NAALADL2: variants seen among roughly 807,000 people sequenced by gnomAD.
The protein encoded by NAALADL2 is N-acetylated alpha-linked acidic dipeptidase like 2.
In NAALADL2, 76 loss-of-function variants were observed where a neutral mutation model predicts 87.2. The ratio of observed to expected loss-of-function variants is 0.87; its 90% CI spans 0.72 to 1.05. NAALADL2 has a LOEUF of 1.05. Ranked by LOEUF, NAALADL2 falls within the 50% of genes least tolerant of loss-of-function variation. NAALADL2 has a pLI of 0.00. For missense variants in NAALADL2, 1,089 were observed against 945.8 expected (o/e 1.15, Z -1.99); for synonymous variants, 354 against 331.0 (o/e 1.07, Z -0.75).
chr3:174,536,629 G>GCTGGAC (rs1439099015), intron 1 of NAALADL2: 1 of 152,126 alleles, frequency 6.6e-6, no homozygotes, highest in East Asian at 1.9e-4. Flanking sequence ...AGATCTCCCA[G>GCTGGAC]CTGGACGTTC....
chr3:175,639,413 C>T (rs374247389), intron 11 of NAALADL2, among the ~76,000 whole-genome samples: 7 of 150,664 alleles, frequency 4.6e-5, no homozygotes, highest in African/African-American at 1.7e-4. Context: ...CTCCACCTCC[C>T]GGGTTCACAC....
At chr3:175,370,574 T>A (rs973284363) in intron 5 of NAALADL2, among the ~76,000 whole-genome samples, 7 of 152,110 alleles carry the variant, frequency 4.6e-5, no homozygotes, top group Non-Finnish European at 1.5e-5. Flanking sequence ...CTGATGGCCG[T>A]AAGAGTCACT....
chr3:175,028,501 G>A (rs1473120453), intron 1 of NAALADL2, among the ~76,000 whole-genome samples: 1 of 151,994 alleles, frequency 6.6e-6, no homozygotes, highest in Non-Finnish European at 1.5e-5. Flanking sequence ...ATTTTATGAT[G>A]TGTATTAATT....
intron 3 of NAALADL2, among the ~76,000 whole-genome samples, chr3:174,748,039 T>C: frequency 6.6e-6 from 1 of 152,074 alleles, no homozygotes; most frequent in East Asian, 1.9e-4. Flanking sequence ...GAAGCCATTA[T>C]CCTCAGCAAA....
intron 1 of NAALADL2, among the ~76,000 whole-genome samples, chr3:174,543,801 C>T (rs374331902): frequency 6.6e-6 from 1 of 151,854 alleles, no homozygotes; most frequent in Non-Finnish European, 1.5e-5. Flanking sequence ...TGAGGCCAGG[C>T]GTTTGAGACC....
intron 1 of NAALADL2, among the ~76,000 whole-genome samples, chr3:174,527,713 A>G (rs1029711258): frequency 7.2e-5 from 11 of 152,174 alleles, no homozygotes; most frequent in African/African-American, 2.4e-4. Flanking sequence ...AGAAATTTAC[A>G]TGGATAATAT....
chr3:174,903,936 C>T (rs73047018), intron 1 of NAALADL2, among the ~76,000 whole-genome samples: 15,327 of 150,052 alleles, frequency 0.1, 896 homozygotes, highest in African/African-American at 0.14. Context: ...GGATATTCTT[C>T]GCAGGGCCAG....
chr3:174,750,644 G>T lies in NAALADL2; in HGVS notation c.-9+12898G>T, dbSNP rs752176076. On this transcript the variant is annotated intron_variant, in intron 3 of 3. Coordinates refer to the NAALADL2 transcript ENST00000434257. ...AGACAGGGTTTCACCATGTTGGCCAGGCTAGTCTCGAACTCCTGACCTCTG... is the reference window on the plus strand; with the variant it reads ...AGACAGGGTTTCACCATGTTGGCCATGCTAGTCTCGAACTCCTGACCTCTG... Among the ~76,000 whole-genome samples the T allele has an allele frequency of 1.9e-4, 29 of 152,012 alleles. 1 individual carries two copies. Among genetic ancestry groups the T allele is most frequent in the Non-Finnish European group, 3.1e-4 (21 of 67,996 alleles).
intron 5 of NAALADL2, among the ~76,000 whole-genome samples, chr3:175,387,191 G>A (rs573276711): frequency 1.0e-3 from 154 of 152,190 alleles, no homozygotes; most frequent in Non-Finnish European, 1.8e-3. Context: ...CAAGAAATGT[G>A]TTAAAATTGA....
intron 11 of NAALADL2, among the ~76,000 whole-genome samples, chr3:175,709,996 T>C (rs533844358): frequency 2.0e-5 from 3 of 151,884 alleles, no homozygotes; most frequent in African/African-American, 7.2e-5. Flanking sequence ...CCACAGAAAA[T>C]AGGGAAAAGA....
intron 2 of NAALADL2, among the ~76,000 whole-genome samples, chr3:175,146,154 C>T (rs1180844506): frequency 1.3e-5 from 2 of 151,960 alleles, no homozygotes; most frequent in Non-Finnish European, 2.9e-5. Context: ...TGTAAATTTT[C>T]TTGAATTTTA....
chr3:174,706,209 T>C (rs1730053662), intron 2 of NAALADL2, among the ~76,000 whole-genome samples: 1 of 152,192 alleles, frequency 6.6e-6, no homozygotes, highest in African/African-American at 2.4e-5. Flanking sequence ...AGGGAAAGAA[T>C]AGCTTTTTCA....
intron 3 of NAALADL2, among the ~76,000 whole-genome samples, chr3:174,809,538 T>TG (rs1719916361): frequency 6.6e-6 from 1 of 152,138 alleles, no homozygotes; most frequent in Admixed American, 6.6e-5. Flanking sequence ...GCTAAGAATT[T>TG]GGGGGCAAGC....
At chr3:175,277,341 A>G (rs1020153977) in intron 4 of NAALADL2, among the ~76,000 whole-genome samples, 31 of 152,188 alleles carry the variant, frequency 2.0e-4, no homozygotes, top group African/African-American at 7.5e-4. Context: ...TGACTAACGT[A>G]TCTGATAACG....
intron 10 of NAALADL2, among the ~76,000 whole-genome samples, chr3:175,619,971 A>G (rs1280167473): frequency 6.6e-6 from 1 of 152,082 alleles, no homozygotes; most frequent in Non-Finnish European, 1.5e-5. Context: ...TGGAGAATTG[A>G]CAAAGTCCTC....
chr3:175,674,472 G>T (rs1402703824), intron 11 of NAALADL2, among the ~76,000 whole-genome samples: 2 of 151,848 alleles, frequency 1.3e-5, no homozygotes, highest in Non-Finnish European at 2.9e-5. Flanking sequence ...CACCATGTTA[G>T]CCAGGACGGT....
chr3:175,774,731 T>C (rs1749985538), intron 13 of NAALADL2, among the ~76,000 whole-genome samples: 1 of 152,038 alleles, frequency 6.6e-6, no homozygotes, highest in Admixed American at 6.6e-5. Context: ...ATGTAGTTAG[T>C]GAAAATTAAG....
At chr3:174,758,195 C>T (rs1712395669) in intron 3 of NAALADL2, among the ~76,000 whole-genome samples, 1 of 152,202 alleles carries the variant, frequency 6.6e-6, no homozygotes, top group Non-Finnish European at 1.5e-5. Context: ...ACCATAGCAT[C>T]TCCCTTCCAC....
chr3:174,607,225 A>T (rs183927738), intron 2 of NAALADL2, among the ~76,000 whole-genome samples: 11 of 152,234 alleles, frequency 7.2e-5, no homozygotes, highest in African/African-American at 2.4e-4. Context: ...CCAAAATGTA[A>T]AGACCATCGA....
Sources: allele counts gnomAD v4.1 joint callset (sites outside exome capture counted in the v4.1 genomes callset), GRCh38; gene constraint gnomAD v4.1.1; transcripts MANE v1.5; gene names NCBI Gene and HGNC (gene_info 2026-07-23, HGNC 2026-07-21).